Variants in ITPR1 observed in about 807,000 individuals in gnomAD.
ITPR1 encodes the protein inositol 1,4,5-trisphosphate-gated calcium channel ITPR1.
In ITPR1, 96 loss-of-function variants were observed where a neutral mutation model predicts 318.4. The observed-to-expected ratio is 0.30, with a 90% CI of 0.26 to 0.36. ITPR1 has a LOEUF of 0.36. Among genes scored for constraint, ITPR1 ranks in the 10% least tolerant of loss-of-function variants. The pLI is 1.00. For synonymous variants in ITPR1, 1,312 were observed against 1,289.9 expected (o/e 1.02, Z -0.37); for missense variants, 2,440 against 3,460.2 (o/e 0.71, Z 7.40).
rs181727570 is a variant in ITPR1 at position 4,608,149 on chromosome 3, A to T, written c.164-19614A>T. The stretch of plus-strand genomic sequence containing the variant: ...AGATCAGATCCTCCCCACTGCTACA[A>T]TTTTCTCAATGTTATACATTTTGCA... On this transcript the variant is annotated intron_variant, in intron 4 of 61. Coordinates refer to ENST00000649015, the MANE Select transcript of ITPR1 (RefSeq NM_001378452.1). 1.6e-4 allele frequency among the ~76,000 whole-genome samples: 24 copies of T among 152,232 alleles called. 2 individuals are homozygous for T. The East Asian group carries it at 2.5e-3, about 16-fold the overall frequency.
chr3:4,604,926 C>G (rs1273293799), intron 4 of ITPR1, among the ~76,000 whole-genome samples: 1 of 152,072 alleles, frequency 6.6e-6, no homozygotes, highest in Non-Finnish European at 1.5e-5. Context: ...CAGCTGGAAT[C>G]TAACCATGAG....
chr3:4,720,219 T>C (rs1352679889), intron 40 of ITPR1, among the ~76,000 whole-genome samples: 1 of 152,084 alleles, frequency 6.6e-6, no homozygotes, highest in Non-Finnish European at 1.5e-5. Context: ...GATTACAGTT[T>C]TGTGGGGGGC....
At chr3:4,605,612 T>G (rs2091648784) in intron 4 of ITPR1, among the ~76,000 whole-genome samples, 1 of 152,222 alleles carries the variant, frequency 6.6e-6, no homozygotes, top group African/African-American at 2.4e-5. Flanking sequence ...GTATTATACA[T>G]GCAGAAAGAA....
intron 48 of ITPR1, among the ~76,000 whole-genome samples, chr3:4,778,123 C>T (rs1457697361): frequency 2.6e-5 from 4 of 152,166 alleles, no homozygotes; most frequent in Non-Finnish European, 5.9e-5. Flanking sequence ...AATTGATATA[C>T]CATTCCTGAT....
chr3:4,639,909 T>C (rs2093298520), intron 6 of ITPR1, among the ~76,000 whole-genome samples: 1 of 152,222 alleles, frequency 6.6e-6, no homozygotes. Flanking sequence ...ATAAAAAATA[T>C]TTATCATTTT....
chr3:4,528,500 T>C (rs1289034659), intron 4 of ITPR1, among the ~76,000 whole-genome samples: 1 of 152,236 alleles, frequency 6.6e-6, no homozygotes, highest in Non-Finnish European at 1.5e-5. Context: ...TAAATGTTGC[T>C]AAGCAACAGT....
chr3:4,783,409 A>C (rs1046397742), intron 50 of ITPR1, among the ~76,000 whole-genome samples: 2 of 152,006 alleles, frequency 1.3e-5, no homozygotes, highest in Non-Finnish European at 2.9e-5. Context: ...ATTGGGCCCG[A>C]GGTTGGTGGG....
intron 13 of ITPR1, among the ~76,000 whole-genome samples, chr3:4,658,992 G>C (rs942506392): frequency 5.9e-5 from 9 of 152,166 alleles, no homozygotes; most frequent in African/African-American, 2.2e-4. Flanking sequence ...ACCCTTTCTT[G>C]TAGATGAAGA....
chr3:4,564,447 C>T (rs960078500), intron 4 of ITPR1, among the ~76,000 whole-genome samples: 16 of 152,178 alleles, frequency 1.1e-4, no homozygotes, highest in South Asian at 2.1e-4. Context: ...GGTCCCACCC[C>T]GCTCCAGTAT....
chr3:4,708,547 G>A (rs947804180), intron 37 of ITPR1, among the ~76,000 whole-genome samples: 14 of 152,168 alleles, frequency 9.2e-5, no homozygotes, highest in African/African-American at 3.4e-4. Flanking sequence ...TTAGAAAGGC[G>A]GGAGGGATGT....
intron 29 of ITPR1, 47 bp from the exon 30 acceptor site, chr3:4,685,022 A>T: frequency 6.3e-7 from 1 of 1,585,832 alleles, no homozygotes; most frequent in Non-Finnish European, 8.6e-7. Flanking sequence ...ATCTTTTTCC[A>T]GCTATAGTTC....
intron 24 of ITPR1, among the ~76,000 whole-genome samples, chr3:4,679,262 A>G (rs1286314110): frequency 2.0e-5 from 3 of 152,224 alleles, no homozygotes; most frequent in Non-Finnish European, 2.9e-5. Context: ...CTCCAGAGAA[A>G]CAGAACAAAT....
chr3:4,757,941 A>C (rs935891479), intron 44 of ITPR1, among the ~76,000 whole-genome samples: 1 of 152,132 alleles, frequency 6.6e-6, no homozygotes, highest in Non-Finnish European at 1.5e-5. Context: ...GGAGTGGGTT[A>C]GTCTGGTGGG....
Position 4,774,431 on chromosome 3 carries a change from A to T in ITPR1, c.5980-811A>T, listed in dbSNP as rs148450863. 3.2e-3 allele frequency among the ~76,000 whole-genome samples: 484 copies of T among 152,152 alleles called. 1 individual carries two copies. The highest frequency in any genetic ancestry group is 0.011 in the African/African-American group (461 of 41,506). Reference sequence around the variant, plus strand: ...TCCATTTAATCTTTTCCTATTGCCCATTTTTTTTACAGTAAGCATGTCGCT... The same window carrying T: ...TCCATTTAATCTTTTCCTATTGCCCTTTTTTTTTACAGTAAGCATGTCGCT... On this transcript the variant is annotated intron_variant, in intron 46 of 61. Coordinates refer to ENST00000649015, the MANE Select transcript of ITPR1 (RefSeq NM_001378452.1).
chr3:4,843,074 G>GTT (rs11404208), intron 61 of ITPR1, among the ~76,000 whole-genome samples: 4,181 of 105,250 alleles, frequency 0.04, 154 homozygotes, highest in African/African-American at 0.09. Flanking sequence ...GTTTTGAGGG[G>GTT]TTTTTTTTTT....
At position 4,797,785 on chromosome 3, in the gene ITPR1, C is replaced by T. The variant is rs539918917; in HGVS notation, c.6931+2598C>T. Among the ~76,000 whole-genome samples the T allele has an allele frequency of 7.2e-5, 11 of 152,306 alleles. No individual in the cohort carries two copies. The East Asian group carries it at 1.2e-3, about 16-fold the overall frequency. ...TTGCCTATCTTGTTTCATCTATCCC[C>T]ATACTATATTTTCTGAAACATTTTA... On this transcript the variant is annotated intron_variant, in intron 53 of 61. Transcript: ENST00000649015.
chr3:4,545,320 T>C (rs2084863723), intron 4 of ITPR1, among the ~76,000 whole-genome samples: 1 of 152,150 alleles, frequency 6.6e-6, no homozygotes, highest in Non-Finnish European at 1.5e-5. Flanking sequence ...GGAGGCTGCT[T>C]ATGGTATATT....
At chr3:4,515,983 C>T (rs1379055114) in intron 2 of ITPR1, among the ~76,000 whole-genome samples, 1 of 152,204 alleles carries the variant, frequency 6.6e-6, no homozygotes, top group Admixed American at 6.5e-5. Flanking sequence ...TTATTAATGT[C>T]ATTTTGTTGC....
intron 59 of ITPR1, among the ~76,000 whole-genome samples, chr3:4,817,853 A>G (rs912798684): frequency 1.3e-5 from 2 of 152,232 alleles, no homozygotes; most frequent in Non-Finnish European, 2.9e-5. Context: ...TGAAGCAGCA[A>G]CTGCCAAGTG....
Sources: allele counts gnomAD v4.1 joint callset (sites outside exome capture counted in the v4.1 genomes callset), GRCh38; gene constraint gnomAD v4.1.1; transcripts MANE v1.5; gene names NCBI Gene and HGNC (gene_info 2026-07-23, HGNC 2026-07-21).